The following ZDHHC17 variants were observed in gnomAD, a reference collection of about 807,000 sequenced individuals.
The protein encoded by ZDHHC17 is palmitoyltransferase ZDHHC17.
In ZDHHC17, 40 loss-of-function variants were observed where a neutral mutation model predicts 90.3. The observed-to-expected ratio is 0.44, with a 90% CI of 0.34 to 0.58. The LOEUF is 0.58. Among genes scored for constraint, ZDHHC17 ranks in the 20% least tolerant of loss-of-function variants. ZDHHC17 has a pLI of 0.01. For missense variants in ZDHHC17, 614 were observed against 780.8 expected (o/e 0.79, Z 2.55); for synonymous variants, 235 against 252.4 (o/e 0.93, Z 0.65).
chr12:76,827,935 T>C (rs772491129), intron 9 of ZDHHC17, among the ~76,000 whole-genome samples: 8 of 152,108 alleles, frequency 5.3e-5, no homozygotes, highest in Admixed American at 1.3e-4. Flanking sequence ...GGCCAGTTCA[T>C]TCTACTTGAA....
At chr12:76,798,392 T>C (rs1431496549) in intron 2 of ZDHHC17, among the ~76,000 whole-genome samples, 1 of 152,054 alleles carries the variant, frequency 6.6e-6, no homozygotes. Flanking sequence ...GAGAAACTAG[T>C]TCATAGATTC....
chr12:76,826,429 T>G (rs182343249), intron 8 of ZDHHC17, among the ~76,000 whole-genome samples: 3 of 152,328 alleles, frequency 2.0e-5, no homozygotes, highest in African/African-American at 7.2e-5. Flanking sequence ...TGTTTGCTTT[T>G]ATTCTTTATC....
intron 10 of ZDHHC17, among the ~76,000 whole-genome samples, chr12:76,830,684 T>C (rs980035866): frequency 6.6e-6 from 1 of 152,188 alleles, no homozygotes; most frequent in Non-Finnish European, 1.5e-5. Context: ...AGACATATTT[T>C]CTAACTTTGT....
rs12099843 is a variant in ZDHHC17, at chr12:76,768,910, C to G, written c.93+4581C>G. 4.8e-3 allele frequency among the ~76,000 whole-genome samples: 731 copies of G among 151,682 alleles called. 5 individuals are homozygous for G. The highest frequency in any genetic ancestry group is 0.016 in the African/African-American group (659 of 41,342). ...AAAACTTCTGCTATTGCCTTTTTTTCTCATTTTCGTCTCTCTTTTTATGGT... is the reference window on the plus strand; with the variant it reads ...AAAACTTCTGCTATTGCCTTTTTTTGTCATTTTCGTCTCTCTTTTTATGGT... On this transcript the variant is annotated intron_variant, in intron 1 of 16. Transcript: ENST00000426126.
At chr12:76,781,613 G>C (rs940745349) in intron 1 of ZDHHC17, 2 of 456,042 alleles carry the variant, frequency 4.4e-6, no homozygotes, top group Non-Finnish European at 8.8e-6. Flanking sequence ...CTTCTACCAT[G>C]GGATGATGCA....
At chr12:76,774,220 G>A (rs1190575219) in intron 1 of ZDHHC17, among the ~76,000 whole-genome samples, 2 of 151,382 alleles carry the variant, frequency 1.3e-5, no homozygotes, top group African/African-American at 2.4e-5. Flanking sequence ...ACTGCACTTC[G>A]GCCTGGATGA....
rs1362390932 is a variant in ZDHHC17, at chr12:76,848,229, T to G, written c.1508-4T>G. On this transcript the variant is annotated splice_region_variant and splice_polypyrimidine_tract_variant and intron_variant, in intron 14 of 16. Transcript: ENST00000426126. ...AAATACGAGTACTTCTGTTCTGGCTTTAGACTGGGGACTCCACTGTGAGAC... is the reference window on the plus strand; with the variant it reads ...AAATACGAGTACTTCTGTTCTGGCTGTAGACTGGGGACTCCACTGTGAGAC... The G allele has an allele frequency of 4.3e-6, 7 of 1,613,818 alleles. No individual in the cohort carries two copies. The African/African-American group carries it at 9.3e-5, about 22-fold the overall frequency.
chr12:76,829,832 C>G (rs1953277446), intron 10 of ZDHHC17, among the ~76,000 whole-genome samples: 1 of 151,794 alleles, frequency 6.6e-6, no homozygotes, highest in Non-Finnish European at 1.5e-5. Context: ...GTATACTTAC[C>G]CTATTTAAAC....
At chr12:76,765,117 C>T (rs1182777218) in intron 1 of ZDHHC17, among the ~76,000 whole-genome samples, 1 of 152,162 alleles carries the variant, frequency 6.6e-6, no homozygotes, top group East Asian at 1.9e-4. Context: ...ATTCTTGATG[C>T]ATTCTGATTT....
intron 1 of ZDHHC17, among the ~76,000 whole-genome samples, chr12:76,778,613 A>G (rs901590899): frequency 4.6e-5 from 7 of 152,264 alleles, no homozygotes; most frequent in African/African-American, 1.7e-4. Flanking sequence ...GTCAGCAACC[A>G]TAATAAAGAA....
chr12:76,814,355 G>T (rs1350651957), intron 5 of ZDHHC17, among the ~76,000 whole-genome samples: 2 of 151,882 alleles, frequency 1.3e-5, no homozygotes, highest in African/African-American at 2.4e-5. Flanking sequence ...ACATGGTTTG[G>T]CTGGGAATAG....
At chr12:76,794,642 A>C (rs77392037) in intron 1 of ZDHHC17, among the ~76,000 whole-genome samples, 2 of 152,196 alleles carry the variant, frequency 1.3e-5, no homozygotes, top group African/African-American at 4.8e-5. Flanking sequence ...TCGGAGGCAC[A>C]AAACAGATAC....
intron 1 of ZDHHC17, among the ~76,000 whole-genome samples, chr12:76,784,892 A>G (rs1952667544): frequency 6.6e-6 from 1 of 152,212 alleles, no homozygotes. Flanking sequence ...TGGTAACAGA[A>G]TTTTGGATGC....
intron 4 of ZDHHC17, 99 bp from the exon 5 acceptor site, chr12:76,809,614 C>A (rs371855157): frequency 2.1e-6 from 2 of 972,178 alleles, no homozygotes; most frequent in Non-Finnish European, 2.8e-6. Flanking sequence ...AAAATACATA[C>A]GTAATCTTCC....
intron 1 of ZDHHC17, among the ~76,000 whole-genome samples, chr12:76,777,387 A>G (rs762875387): frequency 1.3e-5 from 2 of 152,174 alleles, no homozygotes; most frequent in Non-Finnish European, 2.9e-5. Flanking sequence ...TTGTTACTGA[A>G]TAGTATCCCA....
chr12:76,782,117 T>C (rs1952634176), intron 1 of ZDHHC17, among the ~76,000 whole-genome samples: 1 of 152,220 alleles, frequency 6.6e-6, no homozygotes, highest in African/African-American at 2.4e-5. Context: ...AGAATTTAAT[T>C]TGAGGAAGGA....
intron 8 of ZDHHC17, among the ~76,000 whole-genome samples, chr12:76,825,178 A>T (rs1427436827): frequency 6.6e-6 from 1 of 152,152 alleles, no homozygotes; most frequent in Non-Finnish European, 1.5e-5. Context: ...TACTGTTACC[A>T]TTGTTGTGAT....
rs1953081299 is a variant in ZDHHC17 at position 76,815,849 on chromosome 12, C to CTTTTTTTTTTTTTTT, written c.609-4_609-3insTTTTTTTTTTTTTTT. ...TTGTTGTTTGTTTTTTTTTTTTTTCCTTTTCAGTGTGGATCCAACTAGATT... is the reference window on the plus strand; with the variant it reads ...TTGTTGTTTGTTTTTTTTTTTTTTCCTTTTTTTTTTTTTTTTTTTCAGTGTGGATCCAACTAGATT... On this transcript the variant is annotated splice_polypyrimidine_tract_variant and splice_region_variant and intron_variant, in intron 6 of 16. Coordinates refer to ENST00000426126, the MANE Select transcript of ZDHHC17 (RefSeq NM_015336.4). 7.3e-7 allele frequency: 1 copy of CTTTTTTTTTTTTTTT among 1,361,466 alleles called. No homozygotes were observed. The allele number at this position is 1,361,466 out of a possible 1,614,324, so 84.3% of individuals were successfully genotyped here.
At chr12:76,833,185 G>A (rs1953325509) in intron 10 of ZDHHC17, among the ~76,000 whole-genome samples, 1 of 151,986 alleles carries the variant, frequency 6.6e-6, no homozygotes, top group African/African-American at 2.4e-5. Context: ...TGTTTATTTG[G>A]TGCTTTTTGG....
Sources: gnomAD v4.1 joint callset for allele counts (sites outside exome capture counted in the v4.1 genomes callset) on GRCh38, gnomAD v4.1.1 for gene constraint, MANE v1.5 for transcripts, NCBI Gene and HGNC (gene_info 2026-07-23, HGNC 2026-07-21) for gene names.